DMD: variants seen among roughly 807,000 people sequenced by gnomAD.
DMD encodes the protein dystrophin.
A neutral mutation model predicts 330.1 loss-of-function variants in DMD; 63 were observed. The observed-to-expected ratio is 0.19, with a 90% confidence interval of 0.16 to 0.24. The LOEUF is 0.24. Ranked by LOEUF, DMD falls within the 10% of genes least tolerant of loss-of-function variation. The probability of loss-of-function intolerance (pLI) is 1.00; values close to 1 mark genes in which losing one functional copy is unlikely to be tolerated. For missense variants in DMD, 3,344 were observed against 2,684.1 expected, an observed-to-expected ratio of 1.25 and a Z score of -5.43; for synonymous variants, 1,223 against 959.8, an observed-to-expected ratio of 1.27 and a Z score of -5.07.
chrX:31,769,809 G>A (rs968952618), intron 51 of DMD, among the ~76,000 whole-genome samples: 1 of 111,682 alleles, frequency 9.0e-6, no homozygotes, highest in African/African-American at 3.3e-5. Flanking sequence ...GAGTTCAGTG[G>A]ACAATTATTG....
At chrX:33,257,503 C>T (rs1194920653) in intron 1 of DMD, among the ~76,000 whole-genome samples, 1 of 111,140 alleles carries the variant, frequency 9.0e-6, no homozygotes, top group Non-Finnish European at 1.9e-5. Flanking sequence ...ATTAATTCAT[C>T]CTTACTTGTC....
At chrX:32,923,893 A>G (rs781014573) in intron 2 of DMD, among the ~76,000 whole-genome samples, 1 of 111,978 alleles carries the variant, frequency 8.9e-6, no homozygotes, top group African/African-American at 3.2e-5. Context: ...AAAATAAGAT[A>G]GATTATCACT....
rs754130148 is a variant in DMD at position 32,409,219 on chromosome X, A to G, written c.4233+2533T>C. On this transcript the variant is annotated intron_variant, in intron 30 of 78. Coordinates refer to ENST00000357033, the MANE Select transcript of DMD (RefSeq NM_004006.3). ...GCTTTCAGATGGCTTGTATTCTCCAATATTATGTATTACCATTGGGGAGAC... is the reference window on the plus strand; with the variant it reads ...GCTTTCAGATGGCTTGTATTCTCCAGTATTATGTATTACCATTGGGGAGAC... Among the ~76,000 whole-genome samples, 12 of 111,663 alleles carry G rather than the reference A, an allele frequency of 1.1e-4. No homozygotes were observed. In the South Asian group the frequency reaches 2.9e-3, roughly 27 times the overall value.
chrX:33,121,204 T>G (rs1385878813), intron 1 of DMD, among the ~76,000 whole-genome samples: 2 of 110,373 alleles, frequency 1.8e-5, no homozygotes, highest in African/African-American at 3.3e-5. Flanking sequence ...CTGTTGAATT[T>G]TTATAATTTT....
intron 45 of DMD, among the ~76,000 whole-genome samples, chrX:31,951,111 C>CTATATATATATATATATATA (rs1190843934): frequency 1.3e-4 from 9 of 66,836 alleles, no homozygotes; most frequent in Non-Finnish European, 1.9e-4. Context: ...AACACACATA[C>CTATATATATATATATATATA]TATATATATA....
At chrX:33,265,033 G>C (rs1332325587) in intron 1 of DMD, among the ~76,000 whole-genome samples, 1 of 111,344 alleles carries the variant, frequency 9.0e-6, no homozygotes, top group Non-Finnish European at 1.9e-5. Flanking sequence ...AAGCAATGAT[G>C]CTTGGTGAGA....
intron 9 of DMD, among the ~76,000 whole-genome samples, chrX:32,681,892 TA>T (rs11296833): frequency 0.14 from 15,245 of 110,533 alleles, 2,520 homozygotes; most frequent in African/African-American, 0.47. Context: ...CAGTCTAAGG[TA>T]AAGGAAGTGC....
At chrX:31,394,938 T>TGAGA (rs757803694) in intron 60 of DMD, among the ~76,000 whole-genome samples, 9 of 86,861 alleles carry the variant, frequency 1.0e-4, no homozygotes, top group African/African-American at 2.4e-4. Context: ...GAGAGAAGGG[T>TGAGA]GAGAGAGAGA....
intron 44 of DMD, among the ~76,000 whole-genome samples, chrX:32,138,426 T>C (rs1465609503): frequency 8.9e-6 from 1 of 111,890 alleles, no homozygotes; most frequent in Non-Finnish European, 1.9e-5. Flanking sequence ...AGAATTATTT[T>C]CAGGGTAATA....
At chrX:31,397,772 G>C (rs1465973852) in intron 60 of DMD, among the ~76,000 whole-genome samples, 1 of 112,190 alleles carries the variant, frequency 8.9e-6, no homozygotes, top group African/African-American at 3.2e-5. Context: ...AGGATAACTA[G>C]TGAGAGATCC....
intron 65 of DMD, among the ~76,000 whole-genome samples, chrX:31,208,198 C>A (rs1279563832): frequency 1.8e-5 from 2 of 111,377 alleles, no homozygotes; most frequent in Non-Finnish European, 1.9e-5. Flanking sequence ...CTTCCAGCTA[C>A]TAAAATTTAT....
At chrX:31,966,957 G>GTA (rs1300132943) in intron 45 of DMD, among the ~76,000 whole-genome samples, 2 of 109,396 alleles carry the variant, frequency 1.8e-5, no homozygotes, top group Non-Finnish European at 3.8e-5. Flanking sequence ...AATTCTCTCC[G>GTA]TATATATATA....
chrX:32,290,179 C>T (rs895048866), intron 42 of DMD, among the ~76,000 whole-genome samples: 2 of 111,765 alleles, frequency 1.8e-5, no homozygotes, highest in Admixed American at 1.9e-4. Flanking sequence ...GTTTTCCTAA[C>T]CCACATTTCT....
chrX:32,496,626 A>C (rs1463381040), intron 19 of DMD, among the ~76,000 whole-genome samples: 1 of 112,625 alleles, frequency 8.9e-6, no homozygotes, highest in African/African-American at 3.2e-5. Flanking sequence ...TGACAACAAC[A>C]GTCTCTTTCT....
chrX:31,791,034 G>A (rs2091544581), intron 50 of DMD, among the ~76,000 whole-genome samples: 1 of 111,629 alleles, frequency 9.0e-6, no homozygotes, highest in Non-Finnish European at 1.9e-5. Context: ...CAACACTTGA[G>A]GTGGTTGTGG....
chrX:31,351,725 CAAAAA>C (rs3061693), intron 60 of DMD, among the ~76,000 whole-genome samples: 4 of 53,042 alleles, frequency 7.5e-5, no homozygotes, highest in African/African-American at 8.5e-5. Flanking sequence ...GACTCCATCT[CAAAAA>C]AAAAAAAAAA....
chrX:32,766,617 CAT>C (rs779740927), intron 7 of DMD, among the ~76,000 whole-genome samples: 6 of 111,264 alleles, frequency 5.4e-5, no homozygotes, highest in Non-Finnish European at 1.1e-4. Context: ...GAATTTTCTA[CAT>C]ATAAGATCAT....
chrX:33,095,886 A>T (rs1488838804), intron 1 of DMD, among the ~76,000 whole-genome samples: 2 of 110,978 alleles, frequency 1.8e-5, no homozygotes, highest in Non-Finnish European at 3.8e-5. Context: ...AATCTAATAT[A>T]AACCTGTAAG....
At chrX:32,445,872 T>TA (rs1343738846) in intron 27 of DMD, among the ~76,000 whole-genome samples, 1 of 111,210 alleles carries the variant, frequency 9.0e-6, no homozygotes, top group Non-Finnish European at 1.9e-5. Flanking sequence ...TAAACACACA[T>TA]ACATAAATGT....
Sources: gnomAD v4.1 joint callset for allele counts (sites outside exome capture counted in the v4.1 genomes callset) on GRCh38, gnomAD v4.1.1 for gene constraint, MANE v1.5 for transcripts, NCBI Gene and HGNC (gene_info 2026-07-23, HGNC 2026-07-21) for gene names.